The following ROBO1 variants were observed in gnomAD, a reference collection of about 807,000 sequenced individuals.
ROBO1 encodes the protein roundabout guidance receptor 1, also known as roundabout homolog 1.
Under a neutral mutation model 195.9 loss-of-function variants are expected in ROBO1, and 149 were observed. The ratio of observed to expected loss-of-function variants is 0.76; its 90% CI spans 0.67 to 0.87. The LOEUF (loss-of-function observed/expected upper bound fraction) is 0.87. Ranked by LOEUF, ROBO1 falls within the 40% of genes least tolerant of loss-of-function variation. The pLI, the probability that ROBO1 is intolerant of heterozygous loss-of-function variation, is 0.00. For synonymous variants in ROBO1, 816 were observed against 733.2 expected (o/e 1.11, Z -1.82); for missense variants, 1,933 against 2,068.3 (o/e 0.93, Z 1.27).
At chr3:79,603,720 C>T (rs563464348) in intron 1 of ROBO1, among the ~76,000 whole-genome samples, 21 of 152,008 alleles carry the variant, frequency 1.4e-4, no homozygotes, top group African/African-American at 4.8e-4. Flanking sequence ...GGGTGATTGC[C>T]AAATTTTAGA....
intron 26 of ROBO1, among the ~76,000 whole-genome samples, chr3:78,625,320 AT>A (rs1704697717): frequency 6.6e-6 from 1 of 152,242 alleles, no homozygotes; most frequent in Non-Finnish European, 1.5e-5. Context: ...TGATTTCAAA[AT>A]GACAAAGGTA....
At chr3:79,656,900 G>GT (rs1560075115) in intron 1 of ROBO1, among the ~76,000 whole-genome samples, 1 of 149,610 alleles carries the variant, frequency 6.7e-6, no homozygotes, top group Non-Finnish European at 1.5e-5. Flanking sequence ...TTGTCTCAAA[G>GT]AAAAAAAATA....
intron 4 of ROBO1, among the ~76,000 whole-genome samples, chr3:78,858,767 C>T (rs1184267707): frequency 6.7e-6 from 1 of 149,398 alleles, no homozygotes; most frequent in Admixed American, 6.7e-5. Context: ...CCCCACCCCA[C>T]CCCCCGCCAG....
chr3:79,371,980 G>A (rs1420254285), intron 2 of ROBO1, among the ~76,000 whole-genome samples: 1 of 152,054 alleles, frequency 6.6e-6, no homozygotes, highest in Non-Finnish European at 1.5e-5. Context: ...ATTCTCATAG[G>A]GAGCAGGCAA....
At chr3:79,689,716 T>A (rs549853388) in intron 1 of ROBO1, among the ~76,000 whole-genome samples, 1 of 152,184 alleles carries the variant, frequency 6.6e-6, no homozygotes, top group Non-Finnish European at 1.5e-5. Flanking sequence ...AGCAATATAT[T>A]AGCAATATGC....
intron 2 of ROBO1, among the ~76,000 whole-genome samples, chr3:79,435,278 GT>G (rs2038844870): frequency 1.3e-5 from 2 of 152,092 alleles, no homozygotes; most frequent in African/African-American, 4.8e-5. Flanking sequence ...GTGAGAGGTG[GT>G]CTTGCTATGT....
At chr3:78,782,323 A>G (rs1353557569) in intron 4 of ROBO1, among the ~76,000 whole-genome samples, 1 of 151,856 alleles carries the variant, frequency 6.6e-6, no homozygotes, top group Non-Finnish European at 1.5e-5. Flanking sequence ...CAGCCTCCCA[A>G]GTAGCTGGGA....
intron 3 of ROBO1, among the ~76,000 whole-genome samples, chr3:79,039,356 TAA>T (rs915487202): frequency 5.9e-5 from 9 of 152,220 alleles, no homozygotes; most frequent in African/African-American, 2.2e-4. Context: ...GCGTTAAAGC[TAA>T]AGTGTTACGT....
rs1012698583 is a variant in ROBO1, at chr3:79,109,162, T to C, written c.172+16294A>G. ...AGATTTGGGTCTTAAAGTTTTTTTT[T>C]TCTTTAGGTTTTATTTTAACATAGC... On this transcript the variant is annotated intron_variant, in intron 3 of 30. Coordinates refer to ENST00000464233, the MANE Select transcript of ROBO1 (RefSeq NM_002941.4). 6.2e-4 allele frequency among the ~76,000 whole-genome samples: 94 copies of C among 151,854 alleles called. 1 individual carries two copies. The highest frequency in any genetic ancestry group is 1.3e-4 in the Admixed American group (2 of 15,220).
chr3:79,536,082 A>G (rs1941850395), intron 2 of ROBO1, among the ~76,000 whole-genome samples: 6 of 152,122 alleles, frequency 3.9e-5, no homozygotes, highest in Admixed American at 3.9e-4. Flanking sequence ...TAATATCTCT[A>G]AATAATTTGT....
chr3:79,218,471 T>C (rs1034012385), intron 2 of ROBO1, among the ~76,000 whole-genome samples: 1 of 151,996 alleles, frequency 6.6e-6, no homozygotes, highest in East Asian at 1.9e-4. Context: ...TAAATTCTTT[T>C]GGATAGAGTC....
chr3:78,957,553 G>A (rs367887141), intron 3 of ROBO1, among the ~76,000 whole-genome samples: 1 of 152,142 alleles, frequency 6.6e-6, no homozygotes. Context: ...CAATGAGTGG[G>A]AGCAAATGCC....
chr3:79,149,150 G>T (rs1559695064), intron 2 of ROBO1, among the ~76,000 whole-genome samples: 3 of 151,880 alleles, frequency 2.0e-5, no homozygotes. Flanking sequence ...AGAACCAGTT[G>T]TTAACTACTT....
At chr3:79,250,044 G>T (rs1174381571) in intron 2 of ROBO1, among the ~76,000 whole-genome samples, 1 of 152,162 alleles carries the variant, frequency 6.6e-6, no homozygotes, top group Non-Finnish European at 1.5e-5. Flanking sequence ...TGCTGGGAGA[G>T]TCGTTGGAGT....
At chr3:78,683,449 A>G (rs1172594847) in intron 10 of ROBO1, among the ~76,000 whole-genome samples, 1 of 152,078 alleles carries the variant, frequency 6.6e-6, no homozygotes, top group African/African-American at 2.4e-5. Context: ...TATGTTGATG[A>G]TCTTCAATAG....
At chr3:79,461,050 ATC>A (rs748600176) in intron 2 of ROBO1, among the ~76,000 whole-genome samples, 13 of 152,224 alleles carry the variant, frequency 8.5e-5, no homozygotes, top group Non-Finnish European at 1.6e-4. Flanking sequence ...ATTTTAGTTT[ATC>A]AGAGATACAA....
intron 1 of ROBO1, among the ~76,000 whole-genome samples, chr3:79,655,432 G>A (rs1946130348): frequency 6.6e-6 from 1 of 152,002 alleles, no homozygotes; most frequent in Non-Finnish European, 1.5e-5. Context: ...AAGTTGCAAA[G>A]CATTTACTAC....
chr3:79,559,250 C>T lies in ROBO1; in HGVS notation c.88+30574G>A, dbSNP rs1167873980. On this transcript the variant is annotated intron_variant, in intron 2 of 30. Transcript: ENST00000464233. The stretch of plus-strand genomic sequence containing the variant: ...ATGCTGCACAGTAGAGCTCTCTGAC[C>T]CTTACCTGGTTCTGAGTGCTGCCTG... 5.3e-5 allele frequency among the ~76,000 whole-genome samples: 8 copies of T among 152,252 alleles called. 1 individual carries two copies. Among genetic ancestry groups the T allele is most frequent in the Admixed American group, 5.2e-4 (8 of 15,282 alleles).
chr3:79,348,954 T>C (rs1397052941), intron 2 of ROBO1, among the ~76,000 whole-genome samples: 1 of 152,192 alleles, frequency 6.6e-6, no homozygotes, highest in Non-Finnish European at 1.5e-5. Flanking sequence ...TGAATCTAAA[T>C]ATTAACAATC....
Sources: allele counts gnomAD v4.1 joint callset (sites outside exome capture counted in the v4.1 genomes callset), GRCh38; gene constraint gnomAD v4.1.1; transcripts MANE v1.5; gene names NCBI Gene and HGNC (gene_info 2026-07-23, HGNC 2026-07-21).